Variants in SUCLG2 observed in about 807,000 individuals in gnomAD.
SUCLG2 encodes the protein succinate-CoA ligase GDP-forming subunit beta, also known as succinate--CoA ligase [GDP-forming] subunit beta, mitochondrial.
In SUCLG2, 42 loss-of-function variants were observed where a neutral mutation model predicts 47.9. That is an observed-to-expected ratio of 0.88 (90% CI 0.69 to 1.14). The LOEUF (loss-of-function observed/expected upper bound fraction) is 1.14, where lower values mean the gene tolerates loss of function less well. Ranked by LOEUF, SUCLG2 falls within the 50% of genes most tolerant of loss-of-function variation. The pLI, the probability that SUCLG2 is intolerant of heterozygous loss-of-function variation, is 0.00. For synonymous variants in SUCLG2, 195 were observed against 197.3 expected (o/e 0.99, Z 0.10); for missense variants, 571 against 525.9 (o/e 1.09, Z -0.84).
At chr3:67,433,744 G>C (rs1271348115) in intron 9 of SUCLG2, among the ~76,000 whole-genome samples, 3 of 151,638 alleles carry the variant, frequency 2.0e-5, no homozygotes, top group African/African-American at 7.3e-5. Context: ...TTAAATTTAA[G>C]GTGTAAAGAC....
At chr3:67,610,576 G>T (rs1310497030) in intron 1 of SUCLG2, among the ~76,000 whole-genome samples, 1 of 150,332 alleles carries the variant, frequency 6.7e-6, no homozygotes, top group East Asian at 1.9e-4. Flanking sequence ...TGAGTCATAT[G>T]CAAAGGAAAC....
intron 9 of SUCLG2, among the ~76,000 whole-genome samples, chr3:67,410,261 C>T (rs933994223): frequency 1.3e-5 from 2 of 152,136 alleles, no homozygotes; most frequent in African/African-American, 2.4e-5. Flanking sequence ...AGAAGGCTTT[C>T]ACAAGCAAGA....
At chr3:67,370,444 T>G (rs1358709778), downstream of SUCLG2, among the ~76,000 whole-genome samples, 2 of 152,112 alleles carry the variant, frequency 1.3e-5, no homozygotes, top group African/African-American at 4.8e-5. Flanking sequence ...AAGCACCAAT[T>G]GGCAAGGTCA....
intron 9 of SUCLG2, among the ~76,000 whole-genome samples, chr3:67,471,613 G>A (rs1704606538): frequency 6.6e-6 from 1 of 152,134 alleles, no homozygotes; most frequent in Admixed American, 6.5e-5. Flanking sequence ...GCCTTCTCTG[G>A]GGGAGAATAC....
intron 9 of SUCLG2, among the ~76,000 whole-genome samples, chr3:67,464,920 C>T (rs1704433013): frequency 6.6e-6 from 1 of 152,108 alleles, no homozygotes; most frequent in South Asian, 2.1e-4. Flanking sequence ...GGCATAGTGA[C>T]ATGGGTTATA....
At chr3:67,400,292 G>A (rs114747113) in intron 10 of SUCLG2, among the ~76,000 whole-genome samples, 10,702 of 151,560 alleles carry the variant, frequency 0.071, 396 homozygotes, top group Middle Eastern at 0.14. Flanking sequence ...TTTTTTAAGA[G>A]TTATTTTTTA....
At position 67,452,903 on chromosome 3, in the gene SUCLG2, C is replaced by T. The variant is rs116529010; in HGVS notation, c.1062+42895G>A. On this transcript the variant is annotated intron_variant, in intron 9 of 10. Transcript: ENST00000307227. ...ACATATAAGAATCTTCTAGCCATTG[C>T]ACTGCCTTTTGAAACTGCATAATCT... is the stretch of plus-strand genomic sequence containing the variant. Among the ~76,000 whole-genome samples the T allele has an allele frequency of 5.1e-3, 772 of 152,286 alleles. 3 individuals carry two copies. The highest frequency in any genetic ancestry group is 0.017 in the African/African-American group (699 of 41,556).
intron 2 of SUCLG2, among the ~76,000 whole-genome samples, chr3:67,538,560 A>G (rs1224359348): frequency 6.6e-6 from 1 of 152,170 alleles, no homozygotes; most frequent in Non-Finnish European, 1.5e-5. Context: ...CTGGTTCCAT[A>G]TGAAAGTTAA....
chr3:67,398,455 T>A (rs1702603439), intron 10 of SUCLG2, among the ~76,000 whole-genome samples: 1 of 151,482 alleles, frequency 6.6e-6, no homozygotes, highest in African/African-American at 2.4e-5. Context: ...GAAATGCAAA[T>A]CAAAACCACA....
intron 1 of SUCLG2, among the ~76,000 whole-genome samples, chr3:67,643,572 A>G (rs1701140567): frequency 6.6e-6 from 1 of 152,216 alleles, no homozygotes. Flanking sequence ...GAAGCAGAGA[A>G]CAAATTGGAA....
intron 9 of SUCLG2, among the ~76,000 whole-genome samples, chr3:67,427,723 G>A (rs371110907): frequency 1.5e-4 from 23 of 152,282 alleles, no homozygotes; most frequent in African/African-American, 4.8e-4. Flanking sequence ...GCCAAGAGAA[G>A]CCCTGACAAA....
intron 9 of SUCLG2, among the ~76,000 whole-genome samples, chr3:67,479,265 G>A (rs1433884733): frequency 1.3e-5 from 2 of 151,082 alleles, no homozygotes; most frequent in African/African-American, 4.9e-5. Flanking sequence ...TCTGTAAAAG[G>A]AGCTTGTACA....
intron 2 of SUCLG2, among the ~76,000 whole-genome samples, chr3:67,583,577 G>A (rs540216984): frequency 6.6e-6 from 1 of 152,310 alleles, no homozygotes; most frequent in African/African-American, 2.4e-5. Flanking sequence ...CAGGTCAGAA[G>A]TCTGGCAGGA....
downstream of SUCLG2, among the ~76,000 whole-genome samples, chr3:67,371,643 C>G (rs1258574180): frequency 6.6e-6 from 1 of 152,168 alleles, no homozygotes. Flanking sequence ...GCTTCTAAAT[C>G]CTGCTTCCCA....
chr3:67,410,532 G>A (rs1702911998), intron 9 of SUCLG2, among the ~76,000 whole-genome samples: 1 of 152,160 alleles, frequency 6.6e-6, no homozygotes, highest in Non-Finnish European at 1.5e-5. Flanking sequence ...GTATCCTTTT[G>A]AACTGAGAAT....
chr3:67,461,926 G>C (rs1704347326), intron 9 of SUCLG2, among the ~76,000 whole-genome samples: 1 of 152,060 alleles, frequency 6.6e-6, no homozygotes, highest in Non-Finnish European at 1.5e-5. Context: ...AGATGGTAGA[G>C]ATCATGCCAG....
chr3:67,654,451 C>G (rs1363702068), intron 1 of SUCLG2, 52 bp downstream of exon 1: 7 of 1,214,158 alleles, frequency 5.8e-6, no homozygotes. Context: ...GAGGGAAGCC[C>G]GGGCAGGCCG....
intron 1 of SUCLG2, among the ~76,000 whole-genome samples, chr3:67,636,183 T>C (rs914114517): frequency 2.6e-5 from 4 of 151,686 alleles, no homozygotes; most frequent in African/African-American, 9.7e-5. Flanking sequence ...TCCAAAGAAA[T>C]GGGTAAAGAC....
intron 9 of SUCLG2, among the ~76,000 whole-genome samples, chr3:67,491,771 T>C (rs575796137): frequency 2.0e-5 from 3 of 152,378 alleles, no homozygotes; most frequent in Non-Finnish European, 4.4e-5. Context: ...TATACTTTAA[T>C]AAGTTTATTA....
Sources: allele counts gnomAD v4.1 joint callset (sites outside exome capture counted in the v4.1 genomes callset), GRCh38; gene constraint gnomAD v4.1.1; transcripts MANE v1.5; gene names NCBI Gene and HGNC (gene_info 2026-07-23, HGNC 2026-07-21).